Variants in ARHGEF7 observed in about 807,000 individuals in gnomAD.
ARHGEF7 encodes Rho guanine nucleotide exchange factor 7.
A neutral mutation model predicts 109.8 loss-of-function variants in ARHGEF7; 33 were observed. The ratio of observed to expected loss-of-function variants is 0.30; its 90% CI spans 0.23 to 0.40. ARHGEF7 has a LOEUF of 0.40. Ranked by LOEUF, ARHGEF7 falls within the 10% of genes least tolerant of loss-of-function variation. The pLI is 1.00. For missense variants in ARHGEF7, 938 were observed against 1,098.5 expected (o/e 0.85, Z 2.07); for synonymous variants, 458 against 424.6 (o/e 1.08, Z -0.97).
chr13:111,155,750 T>C (rs963464285), intron 2 of ARHGEF7, among the ~76,000 whole-genome samples: 10 of 152,226 alleles, frequency 6.6e-5, no homozygotes, highest in Admixed American at 2.0e-4. Flanking sequence ...TATCTGACTT[T>C]AGTGTAAAAC....
Position 111,273,940 on chromosome 13 carries a change from G to C in ARHGEF7, c.1200G>C (p.Glu400Asp). The change falls in exon 10 of 22, where the codon GAG becomes GAC. Residue 400 changes from glutamate to aspartate, a missense_variant. Coordinates refer to ENST00000646102, the MANE Select transcript of ARHGEF7 (RefSeq NM_001354046.2). This position sits in a 1 kb window ranked among gnomAD's most constrained non-coding sequence, Gnocchi z 4.5. The stretch of plus-strand genomic sequence containing the variant: ...ACCCTACGCTGCTCAAAGAGCTCGA[G>C]AGACACATGGAGGTACTGCGCTTTC... ...DKYPTLLKEL[E>D]RHMEDYHTDR... is the part of the protein sequence containing the mutation. The C allele has an allele frequency of 6.2e-7, 1 of 1,614,194 alleles. No homozygotes were observed. The highest frequency in any genetic ancestry group is 8.5e-7 in the Non-Finnish European group (1 of 1,180,026).
chr13:111,289,492 C>G (rs1412120267), intron 18 of ARHGEF7, among the ~76,000 whole-genome samples: 1 of 152,232 alleles, frequency 6.6e-6, no homozygotes, highest in Non-Finnish European at 1.5e-5. Context: ...TCGGACACCA[C>G]AGGTGGTCCT....
At chr13:111,140,886 C>T (rs2075314415) in intron 1 of ARHGEF7, among the ~76,000 whole-genome samples, 1 of 151,980 alleles carries the variant, frequency 6.6e-6, no homozygotes, top group African/African-American at 2.4e-5. Flanking sequence ...GCTATGTTGC[C>T]CCGGCTGATC....
chr13:111,207,963 C>T (rs1055157063), intron 3 of ARHGEF7, among the ~76,000 whole-genome samples: 2 of 152,144 alleles, frequency 1.3e-5, no homozygotes, highest in Middle Eastern at 3.2e-3. Context: ...TAGGAATGAC[C>T]CCTCCTAGAT....
chr13:111,179,035 G>T (rs1333122435), intron 2 of ARHGEF7, among the ~76,000 whole-genome samples: 1 of 150,556 alleles, frequency 6.6e-6, no homozygotes, highest in African/African-American at 2.4e-5. Context: ...GAACATCCGT[G>T]TGCCCTTCTC....
chr13:111,176,514 C>T (rs1366344953), intron 2 of ARHGEF7, among the ~76,000 whole-genome samples: 2 of 152,214 alleles, frequency 1.3e-5, no homozygotes, highest in African/African-American at 4.8e-5. Context: ...TTTCTCTTCA[C>T]TGTGTGCTGT....
rs138736317 is a variant in ARHGEF7 at position 111,194,251 on chromosome 13, G to A, written c.253-11038G>A. On this transcript the variant is annotated intron_variant, in intron 2 of 21. Coordinates refer to ENST00000646102, the MANE Select transcript of ARHGEF7 (RefSeq NM_001354046.2). ...ATATAAAGAGAAGTTTTGTCCTGTG[G>A]GAAGGCTTAAATCTGGAGCTTGTAC... is the stretch of plus-strand genomic sequence containing the variant. 3.5e-3 allele frequency among the ~76,000 whole-genome samples: 533 copies of A among 152,256 alleles called. 2 individuals are homozygous for A. Among genetic ancestry groups the A allele is most frequent in the Middle Eastern group, 6.8e-3 (2 of 292 alleles).
intron 12 of ARHGEF7, among the ~76,000 whole-genome samples, chr13:111,276,998 AT>A (rs2092524670): frequency 1.3e-5 from 2 of 152,274 alleles, no homozygotes; most frequent in South Asian, 4.2e-4. Flanking sequence ...TTTAAGTCTG[AT>A]GTAAACCAGG....
At chr13:111,293,377 T>A in intron 19 of ARHGEF7, 1 of 985,220 alleles carries the variant, frequency 1.0e-6, no homozygotes, top group Non-Finnish European at 1.2e-6. Context: ...AATGCCTCAT[T>A]GTAATGGGAT....
chr13:111,124,034 AT>A (rs948202291), intron 1 of ARHGEF7, among the ~76,000 whole-genome samples: 163 of 147,678 alleles, frequency 1.1e-3, no homozygotes, highest in African/African-American at 3.7e-3. Flanking sequence ...TACTTTGGCT[AT>A]TTTTTTTTTA....
chr13:111,271,017 C>T (rs1164387219), intron 9 of ARHGEF7, among the ~76,000 whole-genome samples: 2 of 152,214 alleles, frequency 1.3e-5, no homozygotes, highest in African/African-American at 4.8e-5. Context: ...ATCCACATAG[C>T]AGGGGTCCGC....
At chr13:111,223,555 G>A (rs2084766154) in intron 5 of ARHGEF7, among the ~76,000 whole-genome samples, 1 of 152,212 alleles carries the variant, frequency 6.6e-6, no homozygotes, top group South Asian at 2.1e-4. Context: ...CCCTGGGGAA[G>A]TGTAGCCATT....
intron 8 of ARHGEF7, among the ~76,000 whole-genome samples, chr13:111,254,087 A>G (rs920340130): frequency 2.6e-5 from 4 of 152,156 alleles, no homozygotes; most frequent in Admixed American, 6.5e-5. Context: ...CATGGGTGCT[A>G]TTAGTTTAGA....
chr13:111,223,026 T>C (rs1324654096), intron 5 of ARHGEF7, among the ~76,000 whole-genome samples: 1 of 152,226 alleles, frequency 6.6e-6, no homozygotes, highest in Non-Finnish European at 1.5e-5. Flanking sequence ...GTTAATCCAT[T>C]ATTGTACCTA....
intron 1 of ARHGEF7, among the ~76,000 whole-genome samples, chr13:111,149,409 C>T (rs2075781364): frequency 6.6e-6 from 1 of 152,118 alleles, no homozygotes; most frequent in African/African-American, 2.4e-5. Flanking sequence ...CAATTAGATT[C>T]TTATGGCTTA....
At chr13:111,178,200 G>A (rs982116724) in intron 2 of ARHGEF7, among the ~76,000 whole-genome samples, 6 of 152,142 alleles carry the variant, frequency 3.9e-5, no homozygotes, top group African/African-American at 9.7e-5. Context: ...CTTGACAGGC[G>A]CTTGCCCTGA....
chr13:111,197,473 A>C (rs1231848427), intron 2 of ARHGEF7, among the ~76,000 whole-genome samples: 2 of 152,206 alleles, frequency 1.3e-5, no homozygotes. Flanking sequence ...GCATTCTTGA[A>C]AACCTGTTAA....
intron 1 of ARHGEF7, among the ~76,000 whole-genome samples, chr13:111,135,671 C>T (rs2075050522): frequency 6.6e-6 from 1 of 152,310 alleles, no homozygotes; most frequent in Admixed American, 6.5e-5. Context: ...GCTGAAGTTG[C>T]TTATCAGCTT....
At chr13:111,289,655 T>C (rs971620665) in intron 18 of ARHGEF7, among the ~76,000 whole-genome samples, 15 of 150,966 alleles carry the variant, frequency 9.9e-5, no homozygotes, top group Admixed American at 2.0e-4. Context: ...ATTAGTGTCA[T>C]GTATTGTTTA....
Sources: gnomAD v4.1 joint callset for allele counts (sites outside exome capture counted in the v4.1 genomes callset) on GRCh38, gnomAD v4.1.1 for gene constraint, Gnocchi (gnomAD v3.1) non-coding constraint, MANE v1.5 for transcripts, NCBI Gene and HGNC (gene_info 2026-07-23, HGNC 2026-07-21) for gene names.